The following DLG2 variants were observed in gnomAD, a reference collection of about 807,000 sequenced individuals.
DLG2 encodes the protein disks large homolog 2.
Under a neutral mutation model 132.5 loss-of-function variants are expected in DLG2, and 45 were observed. The ratio of observed to expected loss-of-function variants is 0.34; its 90% CI spans 0.27 to 0.44. DLG2 has a LOEUF of 0.44. DLG2 is among the 20% of genes least tolerant of loss of function. The pLI, the probability that DLG2 is intolerant of heterozygous loss-of-function variation, is 1.00. For missense variants in DLG2, 1,045 were observed against 1,196.9 expected (o/e 0.87, Z 1.87); for synonymous variants, 424 against 419.6 (o/e 1.01, Z -0.13).
chr11:84,828,196 T>C (rs2078585452), intron 6 of DLG2, among the ~76,000 whole-genome samples: 1 of 151,732 alleles, frequency 6.6e-6, no homozygotes, highest in African/African-American at 2.4e-5. Context: ...GGAAGTGTCA[T>C]TAGGTAAAAC....
chr11:85,472,251 C>G (rs921094161), intron 3 of DLG2, among the ~76,000 whole-genome samples: 10 of 152,172 alleles, frequency 6.6e-5, no homozygotes, highest in Non-Finnish European at 1.2e-4. Flanking sequence ...GACTACCTGC[C>G]TTCAGGTAGG....
chr11:84,773,120 T>G (rs528215155), intron 6 of DLG2, among the ~76,000 whole-genome samples: 5 of 152,148 alleles, frequency 3.3e-5, no homozygotes, highest in African/African-American at 1.2e-4. Context: ...CCCACAGAAA[T>G]GCAAAAGCTC....
chr11:84,497,070 C>T (rs1008342777), intron 7 of DLG2, among the ~76,000 whole-genome samples: 2 of 152,078 alleles, frequency 1.3e-5, no homozygotes, highest in Admixed American at 6.6e-5. Context: ...TCCCACTGGC[C>T]TCACTAATTA....
intron 18 of DLG2, among the ~76,000 whole-genome samples, chr11:83,641,058 G>C (rs1352360648): frequency 6.6e-6 from 1 of 152,144 alleles, no homozygotes; most frequent in Non-Finnish European, 1.5e-5. Context: ...ATCCAAGAGA[G>C]TGTAATTTAT....
chr11:85,450,114 A>G (rs1285697177), intron 3 of DLG2, among the ~76,000 whole-genome samples: 1 of 152,084 alleles, frequency 6.6e-6, no homozygotes, highest in African/African-American at 2.4e-5. Context: ...GGGCAACAAG[A>G]GTGAAACTCC....
intron 6 of DLG2, among the ~76,000 whole-genome samples, chr11:84,961,455 A>G (rs929705135): frequency 6.6e-6 from 1 of 151,302 alleles, no homozygotes; most frequent in African/African-American, 2.4e-5. Flanking sequence ...CCTGTATCCA[A>G]TTCATTTTTA....
intron 15 of DLG2, among the ~76,000 whole-genome samples, chr11:83,880,766 C>A (rs1467105447): frequency 6.6e-6 from 1 of 152,140 alleles, no homozygotes; most frequent in East Asian, 1.9e-4. Context: ...CTTGATGAAC[C>A]TGTTACACAT....
intron 6 of DLG2, among the ~76,000 whole-genome samples, chr11:84,749,671 G>C (rs1597265666): frequency 6.6e-6 from 1 of 152,026 alleles, no homozygotes; most frequent in East Asian, 1.9e-4. Flanking sequence ...GCATTTCTCA[G>C]AACCTATCCC....
At position 84,244,276 on chromosome 11, in the gene DLG2, C is replaced by T. The variant is rs148694810; in HGVS notation, c.573+6962G>A. On this transcript the variant is annotated intron_variant, in intron 8 of 27. Coordinates refer to ENST00000376104, the MANE Select transcript of DLG2 (RefSeq NM_001142699.3). Reference sequence around the variant, plus strand: ...TCAGCTCATTGCAACCTCCGCCTCCCGGGTTCAAGTGATTCTCTTGTCTCA... The same window carrying T: ...TCAGCTCATTGCAACCTCCGCCTCCTGGGTTCAAGTGATTCTCTTGTCTCA... 5.5e-4 allele frequency among the ~76,000 whole-genome samples: 83 copies of T among 152,128 alleles called. 1 individual carries two copies. The highest frequency in any genetic ancestry group is 1.7e-3 in the African/African-American group (70 of 41,506).
At chr11:85,244,938 T>A (rs2076062061) in intron 4 of DLG2, among the ~76,000 whole-genome samples, 1 of 151,962 alleles carries the variant, frequency 6.6e-6, no homozygotes, top group Admixed American at 6.6e-5. Context: ...CAGGATTCAC[T>A]CCATTCATTT....
chr11:85,441,036 T>C (rs895770563), intron 3 of DLG2, among the ~76,000 whole-genome samples: 7 of 152,198 alleles, frequency 4.6e-5, no homozygotes, highest in Admixed American at 4.6e-4. Flanking sequence ...CAATTAAGCT[T>C]TCAGCTTTTA....
At chr11:84,380,119 T>G (rs917764825) in intron 7 of DLG2, among the ~76,000 whole-genome samples, 11 of 152,000 alleles carry the variant, frequency 7.2e-5, no homozygotes, top group Non-Finnish European at 1.6e-4. Flanking sequence ...ATAAAAACAT[T>G]TTTGGACAAA....
At position 83,718,835 on chromosome 11, in the gene DLG2, T is replaced by C. The variant is rs151187200; in HGVS notation, c.1825+67855A>G. Among the ~76,000 whole-genome samples the C allele has an allele frequency of 5.8e-3, 883 of 152,258 alleles. 12 individuals carry two copies. The highest frequency in any genetic ancestry group is 0.02 in the Admixed American group (302 of 15,296). ...AGAATAAGGAGCAACTGGGTTCTAATACACCGTAGGGCCAGCTTGCATCTC... is the reference window on the plus strand; with the variant it reads ...AGAATAAGGAGCAACTGGGTTCTAACACACCGTAGGGCCAGCTTGCATCTC... On this transcript the variant is annotated intron_variant, in intron 18 of 27. Transcript: ENST00000376104.
rs535504196 is a variant in DLG2, at chr11:84,720,558, G to C, written c.358-185827C>G. On this transcript the variant is annotated intron_variant, in intron 6 of 27. Transcript: ENST00000376104. ...CCGGTGGAAGCAACGCCGCGGGCAAGTACCGAGCCTCTCGGGGTCTCCCTT... is the reference window on the plus strand; with the variant it reads ...CCGGTGGAAGCAACGCCGCGGGCAACTACCGAGCCTCTCGGGGTCTCCCTT... The C allele has an allele frequency of 3.2e-4, 282 of 874,014 alleles. 13 individuals carry two copies. In the Admixed American group the frequency reaches 0.014, roughly 43 times the overall value. 54.1% of individuals were successfully genotyped at this position (874,014 alleles called of 1,614,324 possible).
At chr11:84,709,863 T>C (rs575976904) in intron 6 of DLG2, among the ~76,000 whole-genome samples, 67 of 152,004 alleles carry the variant, frequency 4.4e-4, no homozygotes, top group African/African-American at 1.6e-3. Context: ...AAATTATTTT[T>C]CCTTTCTGAC....
intron 19 of DLG2, among the ~76,000 whole-genome samples, chr11:83,590,611 G>C (rs1408089898): frequency 6.6e-6 from 1 of 151,948 alleles, no homozygotes; most frequent in Non-Finnish European, 1.5e-5. Flanking sequence ...ACATTCAAAA[G>C]CTAGCAGAAG....
intron 3 of DLG2, among the ~76,000 whole-genome samples, chr11:85,519,222 C>T (rs954267852): frequency 3.9e-5 from 6 of 152,170 alleles, no homozygotes; most frequent in East Asian, 1.9e-4. Context: ...CACTGACAGC[C>T]TGCACCATGC....
chr11:84,218,126 C>T (rs905765056), intron 8 of DLG2, among the ~76,000 whole-genome samples: 6 of 151,770 alleles, frequency 4.0e-5, no homozygotes, highest in African/African-American at 1.5e-4. Context: ...TGAGATTGTG[C>T]CACTGCACTC....
chr11:83,542,330 G>GA lies in DLG2; in HGVS notation c.1941-473dup, dbSNP rs1020643471. On this transcript the variant is annotated intron_variant, in intron 19 of 27. Coordinates refer to ENST00000376104, the MANE Select transcript of DLG2 (RefSeq NM_001142699.3). ...TGTAGAACTGTTTCTTTTATAATGG[G>GA]AAAAAATGGTAACAAATGTCCACCC... Among the ~76,000 whole-genome samples, 7 of 152,168 alleles carry GA rather than the reference G, an allele frequency of 4.6e-5. No homozygotes were observed. In the East Asian group the frequency reaches 1.4e-3, roughly 29 times the overall value.
Sources: allele counts gnomAD v4.1 joint callset (sites outside exome capture counted in the v4.1 genomes callset), GRCh38; gene constraint gnomAD v4.1.1; transcripts MANE v1.5; gene names NCBI Gene and HGNC (gene_info 2026-07-23, HGNC 2026-07-21).